Variants in SYNE1 observed in about 807,000 individuals in gnomAD.
SYNE1 encodes the protein nesprin-1.
In SYNE1, 616 loss-of-function variants were observed where a neutral mutation model predicts 1,111.0. The ratio of observed to expected loss-of-function variants is 0.55; its 90% confidence interval spans 0.52 to 0.59. SYNE1 has a LOEUF of 0.59. Ranked by LOEUF, SYNE1 falls within the 20% of genes least tolerant of loss-of-function variation. The pLI is 0.00. For missense variants in SYNE1, 10,006 were observed against 10,417.0 expected (o/e 0.96, Z 1.72); for synonymous variants, 3,855 against 3,825.8 (o/e 1.01, Z -0.28).
At chr6:152,197,633 G>A (rs2074440266) in intron 127 of SYNE1, among the ~76,000 whole-genome samples, 1 of 152,186 alleles carries the variant, frequency 6.6e-6, no homozygotes. Flanking sequence ...GCATTATCAA[G>A]AAGTGGTAAT....
chr6:152,336,980 T>C lies in SYNE1; in HGVS notation c.12389A>G (p.Gln4130Arg). The C allele has an allele frequency of 6.2e-7, 1 of 1,614,022 alleles. No homozygotes were observed. The highest frequency in any genetic ancestry group is 8.5e-7 in the Non-Finnish European group (1 of 1,180,026). Residue 4130 changes from glutamine (Q) to arginine (R), a missense_variant, in exon 76 of 146, where the codon CAG (glutamine) becomes CGG (arginine). Physicochemically the swap from Gln to Arg is conservative, Grantham distance 43. This residue lies in a region of SYNE1 where 4,955 missense variants were observed against 5,017.2 expected (regional missense o/e 0.99). Coordinates refer to ENST00000367255, the MANE Select transcript of SYNE1 (RefSeq NM_182961.4). ...CAGGTGCTTGATCTCTTCCCAGCCC[T>C]GAGTTAAGTTCTGGGCCTGGACAAG... ...QKLVQAQNLT[Q>R]GWEEIKHLKS...
Position 152,233,806 on chromosome 6 carries a change from G to A in SYNE1, c.20687C>T (p.Pro6896Leu), listed in dbSNP as rs764393073. The A allele has an allele frequency of 3.1e-6, 5 of 1,614,176 alleles. No individual in the cohort carries two copies. The Admixed American group carries it at 8.3e-5, about 27-fold the overall frequency. The change falls in exon 112 of 146, where the codon CCA (proline) becomes CTA (leucine). Residue 6896 changes from proline to leucine, a missense_variant. Physicochemically the swap from Pro to Leu is moderately conservative, Grantham distance 98 (BLOSUM62 -3). Around this residue, in one of 7 missense-constraint regions of SYNE1, gnomAD observed 2,182 missense variants for 2,287.8 expected, o/e 0.95. Transcript: ENST00000367255. ...CTGGTGGAGCTTCTCCTGGACGGCT[G>A]GGATATTGGTTAGCAGGTCAGTCCA... ...SQWTDLLTNIPAVQEKLHQLQ... is the reference protein window; with the variant it reads ...SQWTDLLTNILAVQEKLHQLQ...
intron 127 of SYNE1, among the ~76,000 whole-genome samples, chr6:152,194,245 T>C (rs979513444): frequency 6.6e-6 from 1 of 152,094 alleles, no homozygotes; most frequent in Non-Finnish European, 1.5e-5. Flanking sequence ...CTATTTTTCC[T>C]TCATGATTGA....
chr6:152,141,316 C>A lies in SYNE1; in HGVS notation c.25133G>T (p.Gly8378Val), dbSNP rs866155864. The A allele has an allele frequency of 1.2e-6, 2 of 1,614,110 alleles. No individual in the cohort carries two copies. The highest frequency in any genetic ancestry group is 1.7e-4 in the Middle Eastern group (1 of 6,024). The change falls in exon 139 of 146, where the codon GGC becomes GTC. Residue 8378 changes from glycine to valine, a missense_variant. This residue lies in a region of SYNE1 where 761 missense variants were observed against 795.5 expected (regional missense o/e 0.96). Coordinates refer to ENST00000367255, the MANE Select transcript of SYNE1 (RefSeq NM_182961.4). ...GGAGTCTATACTGCTACTGCATTCGCCCAGCAGTTTCATCTGTTTAGACAT... is the reference window on the plus strand; with the variant it reads ...GGAGTCTATACTGCTACTGCATTCGACCAGCAGTTTCATCTGTTTAGACAT... ...TSYKGYMKLL[G>V]ECSSSIDSVK...
In SYNE1 at chr6:152,450,608, G is replaced by A. The variant is rs183904423; in HGVS notation, c.3395+17C>T. 1.0e-4 allele frequency: 165 copies of A among 1,609,256 alleles called. No individual in the cohort carries two copies. In the African/African-American group the frequency reaches 1.9e-3, roughly 18 times the overall value. ...AAGTTTGACTACACCCCTCTCTGGAGGCCATTCTGAGGCTACCTGCTAGTG... is the reference window on the plus strand; with the variant it reads ...AAGTTTGACTACACCCCTCTCTGGAAGCCATTCTGAGGCTACCTGCTAGTG... On this transcript the variant is annotated intron_variant, in intron 27 of 145. Coordinates refer to ENST00000367255, the MANE Select transcript of SYNE1 (RefSeq NM_182961.4).
At chr6:152,196,804 C>T (rs1307994219) in intron 127 of SYNE1, among the ~76,000 whole-genome samples, 1 of 151,954 alleles carries the variant, frequency 6.6e-6, no homozygotes, top group East Asian at 1.9e-4. Flanking sequence ...GGGTCATGTA[C>T]CCCCAAGTCC....
rs749245820 is a variant in SYNE1, at chr6:152,180,124, T to G, written c.23460+12A>C. Reference sequence around the variant, plus strand: ...TGAAGAATGAAAACCTAAGTAGCCATGCATTCCATACCTTCTTGAGCTTCT... The same window carrying G: ...TGAAGAATGAAAACCTAAGTAGCCAGGCATTCCATACCTTCTTGAGCTTCT... On this transcript the variant is annotated intron_variant, in intron 129 of 145. Transcript: ENST00000367255. 1.2e-5 allele frequency: 20 copies of G among 1,614,060 alleles called. No individual in the cohort carries two copies. The highest frequency in any genetic ancestry group is 2.5e-6 in the Non-Finnish European group (3 of 1,179,964).
intron 91 of SYNE1, 129 bp from the exon 92 acceptor site, chr6:152,302,192 G>T: frequency 7.9e-7 from 1 of 1,258,798 alleles, no homozygotes; most frequent in African/African-American, 1.5e-5. Flanking sequence ...GGCAGGATGT[G>T]TAGGCGGCGA....
chr6:152,176,709 C>A (rs982696373), intron 129 of SYNE1, 149 bp from the exon 130 acceptor site: 4 of 799,762 alleles, frequency 5.0e-6, no homozygotes, highest in Non-Finnish European at 4.2e-6. Context: ...CCCATGTGCA[C>A]AAGTATTAGT....
Position 152,630,631 on chromosome 6 carries a change from AAATC to A in SYNE1, c.-223-2081_-223-2078del, listed in dbSNP as rs1231286591. On this transcript the variant is annotated intron_variant, in intron 2 of 145. Coordinates refer to ENST00000367255, the MANE Select transcript of SYNE1 (RefSeq NM_182961.4). The stretch of plus-strand genomic sequence containing the variant: ...TCAAATGCAAAAATATAACTTTCTG[AAATC>A]AATCAATCAACCAATCTACCTATTA... 5.3e-5 allele frequency among the ~76,000 whole-genome samples: 8 copies of A among 152,336 alleles called. No homozygotes were observed. In the East Asian group the frequency reaches 1.5e-3, roughly 29 times the overall value.
intron 128 of SYNE1, among the ~76,000 whole-genome samples, chr6:152,184,411 T>TG (rs2069069160): frequency 7.3e-6 from 1 of 137,654 alleles, no homozygotes; most frequent in East Asian, 2.1e-4. Flanking sequence ...CACTCCAGCC[T>TG]GGGCAACAAG....
In SYNE1 at chr6:152,284,094, C is replaced by G. The variant is rs142229551; in HGVS notation, c.18091G>C (p.Glu6031Gln). Reference protein sequence around the residue: ...QSSLAEELVSESCEADPAEQL... With the variant: ...QSSLAEELVSQSCEADPAEQL... Reference sequence around the variant, plus strand: ...TCCGCAGGGTCGGCCTCACAAGACTCGGATACCAGCTCCTCTGCGAGAGAG... The same window carrying G: ...TCCGCAGGGTCGGCCTCACAAGACTGGGATACCAGCTCCTCTGCGAGAGAG... Residue 6031 changes from glutamate to glutamine, a missense_variant, in exon 96 of 146, where the codon GAG becomes CAG. Transcript: ENST00000367255. 8 of 1,614,168 alleles carry G rather than the reference C, an allele frequency of 5.0e-6. No individual in the cohort carries two copies. In the Middle Eastern group the frequency reaches 4.9e-4, roughly 100 times the overall value.
At chr6:152,558,239 A>G (rs975573131) in intron 3 of SYNE1, among the ~76,000 whole-genome samples, 2 of 152,174 alleles carry the variant, frequency 1.3e-5, no homozygotes, top group African/African-American at 4.8e-5. Flanking sequence ...CCACCACAAA[A>G]AAAATCATCA....
chr6:152,150,833 T>C (rs1345323218), intron 135 of SYNE1, among the ~76,000 whole-genome samples: 1 of 152,114 alleles, frequency 6.6e-6, no homozygotes, highest in African/African-American at 2.4e-5. Context: ...AATCCCGACA[T>C]AGGAAAGTTG....
intron 131 of SYNE1, among the ~76,000 whole-genome samples, chr6:152,160,409 C>G (rs1343633622): frequency 6.6e-6 from 1 of 152,198 alleles, no homozygotes; most frequent in Non-Finnish European, 1.5e-5. Flanking sequence ...GCACCCAGAG[C>G]CCCTGCTCCC....
chr6:152,233,324 G>A (rs1441151918), intron 112 of SYNE1, among the ~76,000 whole-genome samples: 1 of 148,958 alleles, frequency 6.7e-6, no homozygotes, highest in Non-Finnish European at 1.5e-5. Flanking sequence ...GCTTTGTAGC[G>A]TAGTTCACTC....
At chr6:152,503,953 C>T (rs1032813151) in intron 9 of SYNE1, among the ~76,000 whole-genome samples, 2 of 151,834 alleles carry the variant, frequency 1.3e-5, no homozygotes, top group African/African-American at 2.4e-5. Context: ...TCCAAGTTGG[C>T]TAAATAACTT....
rs755296256 is a variant in SYNE1 at position 152,526,047 on chromosome 6, T to C, written c.225+33A>G. On this transcript the variant is annotated intron_variant, in intron 5 of 145. Coordinates refer to ENST00000367255, the MANE Select transcript of SYNE1 (RefSeq NM_182961.4). ...TCCCCAAATTCCAAATGGAAACAAT[T>C]TGACAAGTATGATCACACAAAAAAA... The C allele has an allele frequency of 2.5e-6, 4 of 1,595,662 alleles. No individual in the cohort carries two copies. The Admixed American group carries it at 5.0e-5, about 20-fold the overall frequency.
chr6:152,390,053 G>A (rs1366096854), intron 53 of SYNE1, among the ~76,000 whole-genome samples: 1 of 152,104 alleles, frequency 6.6e-6, no homozygotes, highest in East Asian at 1.9e-4. Flanking sequence ...GAGATAATAG[G>A]TAGATTTAAA....
Sources: allele counts gnomAD v4.1 joint callset (sites outside exome capture counted in the v4.1 genomes callset), GRCh38; gene constraint gnomAD v4.1.1; regional missense constraint gnomAD v4.1.1; transcripts MANE v1.5; gene names NCBI Gene and HGNC (gene_info 2026-07-23, HGNC 2026-07-21).